BMPR1B: variants seen among roughly 807,000 people sequenced by gnomAD.
The protein encoded by BMPR1B is bone morphogenetic protein receptor type-1B.
A neutral mutation model predicts 59.1 loss-of-function variants in BMPR1B; 12 were observed. The observed-to-expected ratio is 0.20, with a 90% confidence interval of 0.13 to 0.33. The LOEUF is 0.33. Among genes scored for constraint, BMPR1B ranks in the 10% least tolerant of loss-of-function variants. The probability of loss-of-function intolerance (pLI) is 1.00; values close to 1 mark genes in which losing one functional copy is unlikely to be tolerated. For synonymous variants in BMPR1B, 237 were observed against 207.3 expected (o/e 1.14, Z -1.23); for missense variants, 550 against 610.9 (o/e 0.90, Z 1.05).
intron 2 of BMPR1B, among the ~76,000 whole-genome samples, chr4:94,990,801 G>A (rs768495175): frequency 2.6e-5 from 4 of 152,084 alleles, no homozygotes; most frequent in East Asian, 1.9e-4. Flanking sequence ...CCATCAACTC[G>A]TCATTTAACA....
At chr4:94,807,572 G>A (rs1324313292) in intron 1 of BMPR1B, among the ~76,000 whole-genome samples, 3 of 152,164 alleles carry the variant, frequency 2.0e-5, no homozygotes, top group African/African-American at 4.8e-5. Flanking sequence ...AGCCACACCC[G>A]AAACATTGTA....
At chr4:95,139,344 T>C (rs562638247) in intron 10 of BMPR1B, among the ~76,000 whole-genome samples, 5 of 152,316 alleles carry the variant, frequency 3.3e-5, no homozygotes, top group African/African-American at 1.2e-4. Context: ...TGCCTCCCAG[T>C]TAGGCTACTC....
intron 3 of BMPR1B, among the ~76,000 whole-genome samples, chr4:95,072,640 C>T (rs1728396733): frequency 6.6e-6 from 1 of 152,098 alleles, no homozygotes; most frequent in South Asian, 2.1e-4. Context: ...GATTAAAATT[C>T]CGTTTCTTAC....
At chr4:94,764,989 A>G (rs892241602) in intron 1 of BMPR1B, among the ~76,000 whole-genome samples, 1 of 152,164 alleles carries the variant, frequency 6.6e-6, no homozygotes, top group Non-Finnish European at 1.5e-5. Context: ...ACGGTGCAGC[A>G]GTAGAGAGTA....
At chr4:94,912,672 GC>G (rs1560543933) in intron 2 of BMPR1B, among the ~76,000 whole-genome samples, 1 of 152,142 alleles carries the variant, frequency 6.6e-6, no homozygotes, top group Non-Finnish European at 1.5e-5. Context: ...ACAGCCAGCT[GC>G]CTCTGTAGCC....
chr4:94,820,155 C>T (rs1447563827), intron 1 of BMPR1B, among the ~76,000 whole-genome samples: 1 of 152,058 alleles, frequency 6.6e-6, no homozygotes, highest in African/African-American at 2.4e-5. Flanking sequence ...CCATCAAGAC[C>T]CCCATTATGT....
intron 2 of BMPR1B, among the ~76,000 whole-genome samples, chr4:94,987,822 A>G (rs1721510348): frequency 6.6e-6 from 1 of 152,124 alleles, no homozygotes; most frequent in Non-Finnish European, 1.5e-5. Context: ...GGGTATCTGT[A>G]TGAATGAAAA....
chr4:95,029,465 T>C (rs974641607), intron 3 of BMPR1B, among the ~76,000 whole-genome samples: 2 of 152,164 alleles, frequency 1.3e-5, no homozygotes, highest in Non-Finnish European at 2.9e-5. Flanking sequence ...CCATCGTGTA[T>C]ATGTGCCACA....
chr4:95,010,362 G>C (rs538557973), intron 3 of BMPR1B, among the ~76,000 whole-genome samples: 2 of 152,060 alleles, frequency 1.3e-5, no homozygotes. Context: ...TGCTCACCCC[G>C]AAGTGACACC....
intron 2 of BMPR1B, among the ~76,000 whole-genome samples, chr4:94,904,800 A>C (rs1410617313): frequency 6.6e-6 from 1 of 152,028 alleles, no homozygotes; most frequent in Non-Finnish European, 1.5e-5. Context: ...TTATTCCACA[A>C]CATAGTAAAT....
chr4:95,116,421 G>GCGCGCACA, intron 6 of BMPR1B, among the ~76,000 whole-genome samples: 3 of 123,242 alleles, frequency 2.4e-5, no homozygotes, highest in African/African-American at 3.6e-5. Flanking sequence ...TTCAGCGCGC[G>GCGCGCACA]CACACACACA....
rs558118356 is a variant in BMPR1B at position 95,135,210 on chromosome 4, C to T, written c.1076+3698C>T. ...TATTTCTGAGGCCTCTGTTCTGTTC[C>T]ATTGGTCTATATCTCTGTTTTGGTA... On this transcript the variant is annotated intron_variant, in intron 10 of 12. Coordinates refer to ENST00000515059, the MANE Select transcript of BMPR1B (RefSeq NM_001203.3). Among the ~76,000 whole-genome samples, 147 of 152,156 alleles carry T rather than the reference C, an allele frequency of 9.7e-4. 1 individual carries two copies. Among genetic ancestry groups the T allele is most frequent in the African/African-American group, 3.1e-3 (130 of 41,504 alleles).
intron 1 of BMPR1B, among the ~76,000 whole-genome samples, chr4:94,832,314 G>GAC (rs139851994): frequency 0.12 from 18,265 of 152,148 alleles, 1,162 homozygotes; most frequent in Non-Finnish European, 0.13. Context: ...AGGAAATAAT[G>GAC]ACATTTCTCA....
intron 3 of BMPR1B, among the ~76,000 whole-genome samples, chr4:95,046,809 T>G (rs1308888489): frequency 6.6e-6 from 1 of 152,242 alleles, no homozygotes; most frequent in African/African-American, 2.4e-5. Context: ...AAAATTAAGT[T>G]GGCTATCTCA....
chr4:94,875,430 A>T (rs1726683535), intron 1 of BMPR1B, among the ~76,000 whole-genome samples: 1 of 152,206 alleles, frequency 6.6e-6, no homozygotes, highest in Admixed American at 6.5e-5. Context: ...CACGCTTGTA[A>T]TCCCAGCACT....
At chr4:94,779,176 G>A (rs79599193) in intron 1 of BMPR1B, among the ~76,000 whole-genome samples, 2 of 152,014 alleles carry the variant, frequency 1.3e-5, no homozygotes, top group Non-Finnish European at 2.9e-5. Flanking sequence ...GTGAGTTAAG[G>A]TCCAATTCTA....
chr4:94,901,905 T>G (rs945133079), intron 2 of BMPR1B, among the ~76,000 whole-genome samples: 2 of 151,924 alleles, frequency 1.3e-5, no homozygotes, highest in Non-Finnish European at 2.9e-5. Context: ...TGTATATGTG[T>G]GTGTACAAAA....
chr4:95,001,826 A>G (rs1195118077), intron 3 of BMPR1B, among the ~76,000 whole-genome samples: 2 of 152,072 alleles, frequency 1.3e-5, no homozygotes, highest in African/African-American at 4.8e-5. Flanking sequence ...TACCTGTTAT[A>G]TTCTAGTAAG....
chr4:95,063,458 T>C (rs937186029), intron 3 of BMPR1B, among the ~76,000 whole-genome samples: 12 of 152,174 alleles, frequency 7.9e-5, no homozygotes, highest in Non-Finnish European at 1.2e-4. Flanking sequence ...ATTATTCCAT[T>C]TGTATAAATG....
Sources: allele counts gnomAD v4.1 joint callset (sites outside exome capture counted in the v4.1 genomes callset), GRCh38; gene constraint gnomAD v4.1.1; transcripts MANE v1.5; gene names NCBI Gene and HGNC (gene_info 2026-07-23, HGNC 2026-07-21).